The following LYRM4 variants were observed in gnomAD, a reference collection of about 807,000 sequenced individuals.
LYRM4 encodes LYR motif-containing protein 4.
In LYRM4, 9 loss-of-function variants were observed where a neutral mutation model predicts 11.7. That is an observed-to-expected ratio of 0.77 (90% CI 0.46 to 1.34). LYRM4 has a LOEUF of 1.34. Among genes scored for constraint, LYRM4 ranks in the 40% most tolerant of loss-of-function variants. The probability of loss-of-function intolerance (pLI) is 0.00; values close to 1 mark genes in which losing one functional copy is unlikely to be tolerated. For synonymous variants in LYRM4, 42 were observed against 40.4 expected, an observed-to-expected ratio of 1.04 and a Z score of -0.15; for missense variants, 133 against 112.5, an observed-to-expected ratio of 1.18 and a Z score of -0.82.
the LYRM4 span, among the ~76,000 whole-genome samples, chr6:5,096,577 G>C: frequency 1.1e-4 from 16 of 152,208 alleles, no homozygotes; most frequent in Non-Finnish European, 1.8e-4. Context: ...GAGGTGGCCT[G>C]TGTGGGGATG....
At chr6:5,090,041 C>CACACACACA in the LYRM4 span, among the ~76,000 whole-genome samples, 8 of 74,904 alleles carry the variant, frequency 1.1e-4, no homozygotes, top group African/African-American at 5.7e-4. The surrounding 1 kb of genome is among the most constrained non-coding windows in gnomAD (Gnocchi z 4.8). Flanking sequence ...CACACACACA[C>CACACACACA]CACACACACA....
At chr6:5,077,478 G>GT in the LYRM4 span, among the ~76,000 whole-genome samples, 3 of 152,118 alleles carry the variant, frequency 2.0e-5, no homozygotes, top group East Asian at 3.9e-4. Flanking sequence ...ACTCCCAGTG[G>GT]TTTTTTCTGT....
intron 2 of LYRM4, among the ~76,000 whole-genome samples, chr6:5,164,024 C>T (rs1001604112): frequency 6.6e-5 from 10 of 152,066 alleles, no homozygotes; most frequent in Admixed American, 3.3e-4. Context: ...GCAATCATCT[C>T]GTTAGAGAAA....
chr6:5,145,930 G>A (rs1054453514), intron 2 of LYRM4, among the ~76,000 whole-genome samples: 1 of 152,088 alleles, frequency 6.6e-6, no homozygotes, highest in African/African-American at 2.4e-5. Flanking sequence ...TCCCTCAGCC[G>A]TCAAATGATC....
chr6:5,145,316 T>C (rs1757656963), intron 2 of LYRM4, among the ~76,000 whole-genome samples: 1 of 152,212 alleles, frequency 6.6e-6, no homozygotes, highest in African/African-American at 2.4e-5. Flanking sequence ...TCTCCAGGCA[T>C]TTCCATGTGG....
chr6:5,072,333 T>A, the LYRM4 span, among the ~76,000 whole-genome samples: 1 of 152,312 alleles, frequency 6.6e-6, no homozygotes, highest in South Asian at 2.1e-4. Context: ...TTCCTTTGGA[T>A]ATATATCCAG....
the LYRM4 span, among the ~76,000 whole-genome samples, chr6:5,070,456 C>T: frequency 6.6e-6 from 1 of 152,140 alleles, no homozygotes; most frequent in East Asian, 1.9e-4. Flanking sequence ...TTATTTCCTA[C>T]TTTATCTTAT....
At chr6:5,245,146 A>G (rs1561899148) in intron 1 of LYRM4, among the ~76,000 whole-genome samples, 6 of 103,328 alleles carry the variant, frequency 5.8e-5, no homozygotes, top group African/African-American at 2.1e-4. Flanking sequence ...ATATATATAT[A>G]TATATATATA....
At chr6:5,063,555 C>T in the LYRM4 span, among the ~76,000 whole-genome samples, 1 of 152,204 alleles carries the variant, frequency 6.6e-6, no homozygotes, top group African/African-American at 2.4e-5. Context: ...ATCTGAACCC[C>T]ACTGGAAGAA....
At chr6:5,077,186 G>A in the LYRM4 span, among the ~76,000 whole-genome samples, 1 of 152,192 alleles carries the variant, frequency 6.6e-6, no homozygotes, top group Admixed American at 6.5e-5. Context: ...GGTCAGCCAC[G>A]CCGTCTACTC....
chr6:5,153,103 A>T (rs906367334), intron 2 of LYRM4, among the ~76,000 whole-genome samples: 19 of 151,764 alleles, frequency 1.3e-4, no homozygotes, highest in Admixed American at 3.9e-4. Flanking sequence ...TCTTATTATT[A>T]TTTTTTTTGT....
At chr6:5,142,465 T>C (rs6597114) in intron 2 of LYRM4, among the ~76,000 whole-genome samples, 27,364 of 152,176 alleles carry the variant, frequency 0.18, 2,668 homozygotes, top group African/African-American at 0.23. Context: ...CCCCTCGCCA[T>C]GCCCTGTCTG....
At chr6:5,134,928 T>A (rs1473354499) in intron 2 of LYRM4, among the ~76,000 whole-genome samples, 1 of 149,280 alleles carries the variant, frequency 6.7e-6, no homozygotes, top group Non-Finnish European at 1.5e-5. Context: ...CTCCTGGGAC[T>A]GTGGAGGGTG....
At chr6:5,237,506 C>T (rs1441068717) in intron 1 of LYRM4, among the ~76,000 whole-genome samples, 2 of 152,006 alleles carry the variant, frequency 1.3e-5, no homozygotes, top group Admixed American at 1.3e-4. Context: ...GAAATAAGTA[C>T]ACAATAAATG....
the LYRM4 span, among the ~76,000 whole-genome samples, chr6:5,094,207 T>G: frequency 6.6e-5 from 10 of 152,162 alleles, no homozygotes; most frequent in African/African-American, 2.2e-4. Context: ...TGAGGCCAGG[T>G]GCAGTGGCTC....
chr6:5,145,816 T>C (rs1361766387), intron 2 of LYRM4, among the ~76,000 whole-genome samples: 1 of 152,156 alleles, frequency 6.6e-6, no homozygotes, highest in Non-Finnish European at 1.5e-5. Flanking sequence ...CTGCTAGAGG[T>C]GGGCTCCTAA....
chr6:5,163,176 TG>T (rs1273563796), intron 2 of LYRM4, among the ~76,000 whole-genome samples: 8 of 152,240 alleles, frequency 5.3e-5, no homozygotes, highest in Non-Finnish European at 1.2e-4. Flanking sequence ...AGGTGTTTTT[TG>T]TTTCCTCCAA....
chr6:5,171,717 G>A (rs1204612353), intron 2 of LYRM4, among the ~76,000 whole-genome samples: 1 of 152,126 alleles, frequency 6.6e-6, no homozygotes, highest in Admixed American at 6.5e-5. Flanking sequence ...TTTCTGTGGC[G>A]AAAACCCTCA....
chr6:5,090,041 C>CACACCA, the LYRM4 span, among the ~76,000 whole-genome samples: 7 of 74,934 alleles, frequency 9.3e-5, no homozygotes, highest in South Asian at 2.7e-3. This position sits in a 1 kb window ranked among gnomAD's most constrained non-coding sequence, Gnocchi z 4.8. Context: ...CACACACACA[C>CACACCA]CACACACACA....
Sources: gnomAD v4.1 joint callset for allele counts (sites outside exome capture counted in the v4.1 genomes callset) on GRCh38, gnomAD v4.1.1 for gene constraint, Gnocchi (gnomAD v3.1) non-coding constraint, MANE v1.5 for transcripts, NCBI Gene and HGNC (gene_info 2026-07-23, HGNC 2026-07-21) for gene names.